The following AFG1L variants were observed in gnomAD, a reference collection of about 807,000 sequenced individuals.
AFG1L encodes AFG1-like ATPase.
Under a neutral mutation model 62.2 loss-of-function variants are expected in AFG1L, and 53 were observed. The observed-to-expected ratio is 0.85, with a 90% CI of 0.68 to 1.07. AFG1L has a LOEUF of 1.07. Among genes scored for constraint, AFG1L ranks in the 50% least tolerant of loss-of-function variants. The pLI, the probability that AFG1L is intolerant of heterozygous loss-of-function variation, is 0.00. For synonymous variants in AFG1L, 228 were observed against 210.3 expected (o/e 1.08, Z -0.73); for missense variants, 555 against 590.5 (o/e 0.94, Z 0.62).
intron 7 of AFG1L, among the ~76,000 whole-genome samples, chr6:108,407,065 G>A (rs954224126): frequency 3.9e-5 from 6 of 152,202 alleles, no homozygotes; most frequent in African/African-American, 1.4e-4. Context: ...CTGGTTGGCT[G>A]GGATGAAAGT....
At chr6:108,491,792 T>C (rs1773787359) in intron 10 of AFG1L, among the ~76,000 whole-genome samples, 1 of 152,192 alleles carries the variant, frequency 6.6e-6, no homozygotes, top group Admixed American at 6.5e-5. Flanking sequence ...TAATATCTTT[T>C]GAATATGAAT....
chr6:108,410,876 G>A (rs894178270), intron 7 of AFG1L, among the ~76,000 whole-genome samples: 2 of 152,126 alleles, frequency 1.3e-5, no homozygotes, highest in African/African-American at 4.8e-5. Flanking sequence ...TGCAGAAGAC[G>A]GGTGATTTCT....
intron 11 of AFG1L, among the ~76,000 whole-genome samples, chr6:108,518,565 G>A (rs1774993590): frequency 6.6e-6 from 1 of 151,800 alleles, no homozygotes; most frequent in South Asian, 2.1e-4. Flanking sequence ...ATGAGTTAAT[G>A]GGTGCAGCAC....
At chr6:108,485,033 T>C (rs965299542) in intron 10 of AFG1L, among the ~76,000 whole-genome samples, 1 of 152,202 alleles carries the variant, frequency 6.6e-6, no homozygotes, top group Non-Finnish European at 1.5e-5. Flanking sequence ...TGTGAACGTT[T>C]CCATGATGAA....
At chr6:108,411,590 C>G (rs562989724) in intron 7 of AFG1L, among the ~76,000 whole-genome samples, 4 of 152,162 alleles carry the variant, frequency 2.6e-5, no homozygotes, top group African/African-American at 9.7e-5. Context: ...CAACATTTTC[C>G]GTTCTGCAAT....
chr6:108,510,547 C>T lies in AFG1L; in HGVS notation c.1203+195C>T, dbSNP rs188987301. ...GTTGCGAGGACTAAAAAGGCAAATC[C>T]ATGTAAAGCATTTAAAACATTTGGC... On this transcript the variant is annotated intron_variant, in intron 11 of 12. Transcript: ENST00000368977. 2.4e-3 allele frequency among the ~76,000 whole-genome samples: 372 copies of T among 152,214 alleles called. 2 individuals are homozygous for T. In the South Asian group the frequency reaches 0.026, roughly 11 times the overall value.
intron 6 of AFG1L, among the ~76,000 whole-genome samples, chr6:108,369,727 G>A (rs1474691940): frequency 6.6e-6 from 1 of 152,036 alleles, no homozygotes; most frequent in East Asian, 1.9e-4. Flanking sequence ...TCCTGCCCCA[G>A]TCTCCCAAGT....
intron 7 of AFG1L, among the ~76,000 whole-genome samples, chr6:108,439,188 A>G (rs1324800765): frequency 6.6e-6 from 1 of 152,236 alleles, no homozygotes; most frequent in African/African-American, 2.4e-5. Flanking sequence ...TTGAAAAATT[A>G]CGTCTATGAT....
At chr6:108,323,109 T>C (rs1359680413) in intron 1 of AFG1L, among the ~76,000 whole-genome samples, 1 of 152,150 alleles carries the variant, frequency 6.6e-6, no homozygotes, top group African/African-American at 2.4e-5. Flanking sequence ...TAAGGAACAG[T>C]GGAAAACCCT....
intron 7 of AFG1L, among the ~76,000 whole-genome samples, chr6:108,431,597 CTTTTTTT>C (rs5878977): frequency 1.0e-5 from 1 of 98,448 alleles, no homozygotes; most frequent in African/African-American, 4.0e-5. Flanking sequence ...TTCTTTGTTG[CTTTTTTT>C]TTTTTTTTTT....
chr6:108,459,532 A>C (rs1772376622), intron 8 of AFG1L, among the ~76,000 whole-genome samples: 1 of 152,232 alleles, frequency 6.6e-6, no homozygotes. Context: ...CATGGCCAGA[A>C]GTGGAAGTGT....
At chr6:108,304,325 T>G (rs1021321069) in intron 1 of AFG1L, among the ~76,000 whole-genome samples, 1 of 152,222 alleles carries the variant, frequency 6.6e-6, no homozygotes, top group African/African-American at 2.4e-5. Context: ...AAGTCTGACT[T>G]TTTGGGTCAT....
chr6:108,517,250 C>A (rs1423260450), intron 11 of AFG1L, among the ~76,000 whole-genome samples: 1 of 152,206 alleles, frequency 6.6e-6, no homozygotes, highest in Admixed American at 6.5e-5. Context: ...TGACTTCAAA[C>A]TATACTACAA....
chr6:108,405,790 C>G (rs1360684712), intron 7 of AFG1L, among the ~76,000 whole-genome samples: 1 of 152,186 alleles, frequency 6.6e-6, no homozygotes, highest in Admixed American at 6.5e-5. Flanking sequence ...CACCCATTGT[C>G]CCCCTTTCCC....
intron 10 of AFG1L, among the ~76,000 whole-genome samples, chr6:108,506,375 C>T (rs1459368738): frequency 1.3e-5 from 2 of 152,096 alleles, no homozygotes; most frequent in Non-Finnish European, 2.9e-5. Flanking sequence ...ACCTGGCTAA[C>T]TTTGTGTATC....
At chr6:108,394,631 A>G (rs1405977331) in intron 6 of AFG1L, among the ~76,000 whole-genome samples, 1 of 152,038 alleles carries the variant, frequency 6.6e-6, no homozygotes, top group Non-Finnish European at 1.5e-5. Context: ...TTTGAGATTA[A>G]TCTATTTTGC....
At chr6:108,474,878 A>G (rs940902305) in intron 8 of AFG1L, among the ~76,000 whole-genome samples, 9 of 152,216 alleles carry the variant, frequency 5.9e-5, no homozygotes, top group African/African-American at 2.2e-4. Context: ...GCTGTGCAGA[A>G]GCTCTTTAGT....
rs1057423956 is a variant in AFG1L, at chr6:108,323,840, C to T, written c.155C>T (p.Thr52Ile). Reference protein sequence around the residue: ...KPFWKAYTVQTSESMTPTATS... With the variant: ...KPFWKAYTVQISESMTPTATS... ...TTGTTTATAGCCTATACGGTTCAGA[C>T]ATCCGAGAGCATGACCCCAACTGCC... is the stretch of plus-strand genomic sequence containing the variant. The change falls in exon 2 of 13, where the codon ACA becomes ATA. Residue 52 changes from threonine (T) to isoleucine (I), a missense_variant. Thr to Ile is a moderately conservative substitution (Grantham distance 89). Coordinates refer to ENST00000368977, the MANE Select transcript of AFG1L (RefSeq NM_145315.5). The T allele has an allele frequency of 1.2e-5, 19 of 1,613,752 alleles. No individual in the cohort carries two copies. The highest frequency in any genetic ancestry group is 1.2e-4 in the Admixed American group (7 of 59,982).
rs780743524 is a variant in AFG1L, at chr6:108,356,656, A to G, written c.518-34A>G. 15 of 1,493,884 alleles carry G rather than the reference A, an allele frequency of 1.0e-5. No homozygotes were observed. The East Asian group carries it at 1.4e-4, about 14-fold the overall frequency. 92.5% of individuals were successfully genotyped at this position (1,493,884 alleles called of 1,614,324 possible). On this transcript the variant is annotated intron_variant, in intron 4 of 12. Transcript: ENST00000368977. The stretch of plus-strand genomic sequence containing the variant: ...TTATAATTGTCTAAAAAGTACTAAT[A>G]TATTTCATCTGTGTTTAATTTCATG...
Sources: allele counts gnomAD v4.1 joint callset (sites outside exome capture counted in the v4.1 genomes callset), GRCh38; gene constraint gnomAD v4.1.1; transcripts MANE v1.5; gene names NCBI Gene and HGNC (gene_info 2026-07-23, HGNC 2026-07-21).